Variants in SND1 observed in about 807,000 individuals in gnomAD.
The protein encoded by SND1 is staphylococcal nuclease and tudor domain containing 1.
In SND1, 38 loss-of-function variants were observed where a neutral mutation model predicts 121.7. The observed-to-expected ratio is 0.31, with a 90% confidence interval of 0.24 to 0.41. The LOEUF is 0.41. Among genes scored for constraint, SND1 ranks in the 10% least tolerant of loss-of-function variants. The pLI, the probability that SND1 is intolerant of heterozygous loss-of-function variation, is 1.00. For missense variants in SND1, 868 were observed against 1,184.6 expected, an observed-to-expected ratio of 0.73 and a Z score of 3.92; for synonymous variants, 401 against 447.4, an observed-to-expected ratio of 0.90 and a Z score of 1.31.
chr7:127,903,838 TC>T (rs1164352683), intron 13 of SND1, among the ~76,000 whole-genome samples: 3 of 152,254 alleles, frequency 2.0e-5, no homozygotes, highest in East Asian at 3.9e-4. Flanking sequence ...TCTCAACACT[TC>T]CTCTGGAATT....
intron 10 of SND1, among the ~76,000 whole-genome samples, chr7:127,738,065 TG>T (rs1452645620): frequency 6.6e-6 from 1 of 152,186 alleles, no homozygotes; most frequent in African/African-American, 2.4e-5. Context: ...ATGGTTAGCA[TG>T]TATATGGCAT....
chr7:127,961,102 G>A (rs1801720293), intron 15 of SND1, among the ~76,000 whole-genome samples: 1 of 152,160 alleles, frequency 6.6e-6, no homozygotes, highest in Admixed American at 6.5e-5. Context: ...TTTGGACAGT[G>A]TAAATTCACT....
chr7:127,707,492 C>G (rs1015796095), intron 8 of SND1, 65 bp from the exon 9 acceptor site: 2 of 1,311,536 alleles, frequency 1.5e-6, no homozygotes, highest in Non-Finnish European at 2.2e-6. Flanking sequence ...CAACTGTGCT[C>G]CCATGGTAGT....
chr7:127,760,847 G>A (rs1383275368), intron 10 of SND1, among the ~76,000 whole-genome samples: 1 of 152,118 alleles, frequency 6.6e-6, no homozygotes, highest in Admixed American at 6.6e-5. Context: ...ACTAAGTGCT[G>A]GGCCATTTGG....
intron 11 of SND1, among the ~76,000 whole-genome samples, chr7:127,827,365 A>G (rs980838352): frequency 6.6e-6 from 1 of 152,248 alleles, no homozygotes. Flanking sequence ...TTTCCTATGC[A>G]GATACATTTT....
At chr7:128,058,872 C>T (rs943248968) in intron 16 of SND1, among the ~76,000 whole-genome samples, 6 of 152,048 alleles carry the variant, frequency 3.9e-5, no homozygotes, top group Admixed American at 3.3e-4. Flanking sequence ...CTGATTCCTC[C>T]ATCCCCGATC....
intron 9 of SND1, 119 bp downstream of exon 9, chr7:127,707,766 A>AATGTGTGT: frequency 4.9e-6 from 2 of 407,410 alleles, no homozygotes; most frequent in Non-Finnish European, 9.3e-6. Context: ...AGCCAGTAGG[A>AATGTGTGT]GTGTGTGTGT....
rs1338291552 is a variant in SND1 at position 127,815,771 on chromosome 7, T to C, written c.1242+8198T>C. ...TTTGAGGGGGTAATTTGCGGTACTT[T>C]GTTATGGCAGCCCTAGGAAAGCAAT... On this transcript the variant is annotated intron_variant, in intron 11 of 23. Transcript: ENST00000354725. Among the ~76,000 whole-genome samples the C allele has an allele frequency of 2.6e-5, 4 of 152,116 alleles. No homozygotes were observed. In the East Asian group the frequency reaches 7.7e-4, roughly 29 times the overall value.
At chr7:127,690,303 T>C (rs1199411371) in intron 2 of SND1, among the ~76,000 whole-genome samples, 1 of 152,198 alleles carries the variant, frequency 6.6e-6, no homozygotes, top group African/African-American at 2.4e-5. Context: ...ATATGACTTT[T>C]AGACTTCTCT....
chr7:127,894,718 A>G (rs939921519), intron 13 of SND1, among the ~76,000 whole-genome samples: 1 of 152,088 alleles, frequency 6.6e-6, no homozygotes, highest in Non-Finnish European at 1.5e-5. Flanking sequence ...TCAGTTCTCC[A>G]AGAAAGCATA....
chr7:127,714,112 T>C (rs924662098), intron 9 of SND1, among the ~76,000 whole-genome samples: 1 of 152,282 alleles, frequency 6.6e-6, no homozygotes. Context: ...AGTGGAATCA[T>C]GTCCTCAAGA....
intron 12 of SND1, among the ~76,000 whole-genome samples, chr7:127,873,375 C>A (rs1173086874): frequency 6.6e-6 from 1 of 152,168 alleles, no homozygotes; most frequent in Admixed American, 6.5e-5. Context: ...CACTACCCAG[C>A]CACCTTTCCT....
intron 1 of SND1, among the ~76,000 whole-genome samples, chr7:127,654,148 C>T (rs763966551): frequency 2.8e-4 from 42 of 152,164 alleles, no homozygotes; most frequent in Non-Finnish European, 5.1e-4. Flanking sequence ...GTTTTGTTTC[C>T]GCCAATGCTG....
intron 1 of SND1, among the ~76,000 whole-genome samples, chr7:127,669,243 G>A (rs754782266): frequency 1.3e-5 from 2 of 152,262 alleles, no homozygotes; most frequent in South Asian, 4.1e-4. Context: ...CGTCCACCTT[G>A]GCCTCCCAAA....
chr7:127,865,427 A>G (rs1053220329), intron 12 of SND1, among the ~76,000 whole-genome samples: 2 of 152,230 alleles, frequency 1.3e-5, no homozygotes, highest in Non-Finnish European at 2.9e-5. Context: ...CTGTCTTTGG[A>G]AATGAACTCC....
chr7:127,803,246 A>T (rs1563019024), intron 10 of SND1, among the ~76,000 whole-genome samples: 1 of 152,034 alleles, frequency 6.6e-6, no homozygotes, highest in Non-Finnish European at 1.5e-5. Flanking sequence ...GTTTTTGATA[A>T]AATCAATCTC....
chr7:128,059,642 A>T (rs940032697), intron 16 of SND1, among the ~76,000 whole-genome samples: 1 of 152,142 alleles, frequency 6.6e-6, no homozygotes, highest in Non-Finnish European at 1.5e-5. Context: ...CTTTCTGGAG[A>T]TGCAGTGCTG....
chr7:127,783,714 A>G (rs1170598340), intron 10 of SND1, among the ~76,000 whole-genome samples: 1 of 152,214 alleles, frequency 6.6e-6, no homozygotes, highest in Non-Finnish European at 1.5e-5. Flanking sequence ...ATGAGAAAAA[A>G]AAATTCTCTT....
At chr7:127,707,675 C>T in intron 9 of SND1, 28 bp downstream of exon 9, 1 of 1,535,128 alleles carries the variant, frequency 6.5e-7, no homozygotes, top group Non-Finnish European at 9.0e-7. Flanking sequence ...TCTTGATATG[C>T]ATAGTGGACA....
Sources: gnomAD v4.1 joint callset for allele counts (sites outside exome capture counted in the v4.1 genomes callset) on GRCh38, gnomAD v4.1.1 for gene constraint, MANE v1.5 for transcripts, NCBI Gene and HGNC (gene_info 2026-07-23, HGNC 2026-07-21) for gene names.